The following TXLNB variants were observed in gnomAD, a reference collection of about 807,000 sequenced individuals.
TXLNB encodes the protein taxilin beta.
In TXLNB, 37 loss-of-function variants were observed where a neutral mutation model predicts 57.4. That is an observed-to-expected ratio of 0.64 (90% CI 0.50 to 0.85). TXLNB has a LOEUF of 0.85. TXLNB is among the 40% of genes least tolerant of loss of function. TXLNB has a pLI of 0.00. For missense variants in TXLNB, 848 were observed against 825.6 expected, an observed-to-expected ratio of 1.03 and a Z score of -0.33; for synonymous variants, 302 against 309.6, an observed-to-expected ratio of 0.98 and a Z score of 0.26.
the TXLNB span, among the ~76,000 whole-genome samples, chr6:139,318,816 T>A: frequency 1.6e-4 from 25 of 152,300 alleles, 1 homozygote; most frequent in African/African-American, 6.0e-4. Flanking sequence ...GATGTAGCAA[T>A]CTCTATAAAT....
intron 4 of TXLNB, among the ~76,000 whole-genome samples, chr6:139,266,395 A>G (rs1776615422): frequency 6.6e-6 from 1 of 152,248 alleles, no homozygotes; most frequent in Non-Finnish European, 1.5e-5. Flanking sequence ...GAGAGGTTAC[A>G]TACAAAAAAA....
chr6:139,242,113 C>A lies in TXLNB; in HGVS notation c.*413G>T, dbSNP rs1236100492. Reference sequence around the variant, plus strand: ...TATAGTTTAAATGTAACCTGGGCATCCATAAATTACTATGGAACTTGTTAA... The same window carrying A: ...TATAGTTTAAATGTAACCTGGGCATACATAAATTACTATGGAACTTGTTAA... On this transcript the variant is annotated 3_prime_UTR_variant, in exon 10 of 10. Coordinates refer to ENST00000358430, the MANE Select transcript of TXLNB (RefSeq NM_153235.4). 1 of 155,308 alleles carries A rather than the reference C, an allele frequency of 6.4e-6. No individual in the cohort carries two copies. The highest frequency in any genetic ancestry group is 2.4e-5 in the African/African-American group (1 of 41,534). The allele number at this position is 155,308 out of a possible 1,614,324, so 9.6% of individuals were successfully genotyped here.
chr6:139,235,608 C>A (rs1267760037), downstream of TXLNB, among the ~76,000 whole-genome samples: 2 of 152,052 alleles, frequency 1.3e-5, no homozygotes, highest in African/African-American at 4.8e-5. Context: ...GGGGTGGTTT[C>A]CCCCATGCTG....
At chr6:139,250,711 A>G (rs1776183625) in intron 7 of TXLNB, among the ~76,000 whole-genome samples, 1 of 152,086 alleles carries the variant, frequency 6.6e-6, no homozygotes, top group Admixed American at 6.5e-5. Context: ...GGTCCTCCCG[A>G]TCCCTCTTGC....
the TXLNB span, among the ~76,000 whole-genome samples, chr6:139,189,563 A>G: frequency 6.6e-6 from 1 of 152,346 alleles, no homozygotes; most frequent in South Asian, 2.1e-4. Flanking sequence ...AAAAGAAAGG[A>G]AATAAGAAAG....
chr6:139,183,962 A>G, the TXLNB span, among the ~76,000 whole-genome samples: 1 of 152,188 alleles, frequency 6.6e-6, no homozygotes, highest in Non-Finnish European at 1.5e-5. Context: ...CTTTTAAAGA[A>G]TATAGTGACC....
chr6:139,239,503 CT>C, downstream of TXLNB: 1 of 152,458 alleles, frequency 6.6e-6, no homozygotes, highest in East Asian at 1.9e-4. This position sits in a 1 kb window ranked among gnomAD's most constrained non-coding sequence, Gnocchi z 4.7. Context: ...GACATTTTTT[CT>C]TTTTTTGAGA....
chr6:139,274,245 C>T (rs1776838342), intron 3 of TXLNB, among the ~76,000 whole-genome samples: 1 of 152,138 alleles, frequency 6.6e-6, no homozygotes, highest in Non-Finnish European at 1.5e-5. Context: ...AGGATTTAGA[C>T]TCTGCAAGGA....
At chr6:139,227,369 C>T in the TXLNB span, among the ~76,000 whole-genome samples, 53 of 150,596 alleles carry the variant, frequency 3.5e-4, no homozygotes, top group African/African-American at 1.1e-3. Context: ...AAAAAAAAAA[C>T]GACAGTGAGA....
chr6:139,189,423 T>G, the TXLNB span, among the ~76,000 whole-genome samples: 39 of 152,256 alleles, frequency 2.6e-4, no homozygotes, highest in African/African-American at 8.2e-4. Context: ...GTGTTTTTTA[T>G]TATTAGAACT....
the TXLNB span, among the ~76,000 whole-genome samples, chr6:139,205,616 A>G: frequency 1.9e-3 from 293 of 152,256 alleles, 1 homozygote; most frequent in African/African-American, 6.7e-3. Flanking sequence ...AATTAACCCA[A>G]TCAGACAAAG....
At chr6:139,253,763 C>A (rs1057232752) in intron 7 of TXLNB, among the ~76,000 whole-genome samples, 1 of 152,082 alleles carries the variant, frequency 6.6e-6, no homozygotes, top group Non-Finnish European at 1.5e-5. Context: ...CACTCTGTAG[C>A]CCACAGTTTA....
the TXLNB span, chr6:139,174,263 T>C: frequency 3.4e-6 from 4 of 1,171,460 alleles, no homozygotes; most frequent in East Asian, 2.6e-5. Context: ...ATTTTTCTTT[T>C]TATATTTATC....
chr6:139,161,031 A>G, the TXLNB span, among the ~76,000 whole-genome samples: 10 of 151,988 alleles, frequency 6.6e-5, no homozygotes, highest in East Asian at 1.7e-3. Flanking sequence ...AGTTTGGACA[A>G]TGTGTGTGTG....
At chr6:139,292,571 C>T (rs1777324304), upstream of TXLNB, among the ~76,000 whole-genome samples, 1 of 152,176 alleles carries the variant, frequency 6.6e-6, no homozygotes, top group Non-Finnish European at 1.5e-5. This position sits in a 1 kb window ranked among gnomAD's most constrained non-coding sequence, Gnocchi z 4.0. Flanking sequence ...TTGAAATAAA[C>T]ATGTAGATGG....
chr6:139,237,792 TA>T (rs1303827244), downstream of TXLNB, among the ~76,000 whole-genome samples: 3 of 151,954 alleles, frequency 2.0e-5, no homozygotes, highest in African/African-American at 7.3e-5. Flanking sequence ...TTATATCACT[TA>T]AAAAAAAGTC....
At chr6:139,191,744 G>A in the TXLNB span, among the ~76,000 whole-genome samples, 2 of 152,230 alleles carry the variant, frequency 1.3e-5, no homozygotes, top group Middle Eastern at 3.4e-3. Context: ...CCTGGGTGTG[G>A]GGCGGTGTAC....
chr6:139,183,250 A>G, the TXLNB span: 6 of 152,208 alleles, frequency 3.9e-5, no homozygotes, highest in South Asian at 2.1e-4. Flanking sequence ...CCTAGTCCTC[A>G]AAGTGAGATT....
At chr6:139,254,083 A>G (rs1776275640) in intron 7 of TXLNB, among the ~76,000 whole-genome samples, 1 of 152,342 alleles carries the variant, frequency 6.6e-6, no homozygotes, top group East Asian at 1.9e-4. Context: ...CTTCAGACAC[A>G]TTATGGTTCT....
Sources: allele counts gnomAD v4.1 joint callset (sites outside exome capture counted in the v4.1 genomes callset), GRCh38; gene constraint gnomAD v4.1.1; non-coding constraint Gnocchi (gnomAD v3.1); transcripts MANE v1.5; gene names NCBI Gene and HGNC (gene_info 2026-07-23, HGNC 2026-07-21).